Variants in COL6A6 observed in about 807,000 individuals in gnomAD.
The protein encoded by COL6A6 is collagen type VI alpha 6 chain.
A neutral mutation model predicts 208.6 loss-of-function variants in COL6A6; 183 were observed. The observed-to-expected ratio is 0.88, with a 90% confidence interval of 0.78 to 0.99. COL6A6 has a LOEUF of 0.99. Among genes scored for constraint, COL6A6 ranks in the 50% least tolerant of loss-of-function variants. The pLI, the probability that COL6A6 is intolerant of heterozygous loss-of-function variation, is 0.00. For missense variants in COL6A6, 2,816 were observed against 2,815.2 expected (o/e 1.00, Z -0.01); for synonymous variants, 973 against 1,011.8 (o/e 0.96, Z 0.73).
Position 130,563,344 on chromosome 3 carries a change from C to G in COL6A6, c.341C>G (p.Ala114Gly). 6.2e-7 allele frequency: 1 copy of G among 1,613,992 alleles called. No homozygotes were observed. The highest frequency in any genetic ancestry group is 1.1e-5 in the South Asian group (1 of 91,076). The change falls in exon 3 of 37, where the codon GCT becomes GGT. Residue 114 changes from alanine to glycine, a missense_variant. By Grantham distance (60) the Ala-to-Gly change is moderately conservative (BLOSUM62 0). Transcript: ENST00000358511. ...SLQIGKALQE[A>G]HRTYFSAPAN... Reference sequence around the variant, plus strand: ...CAGATAGGAAAGGCTCTTCAGGAGGCTCACAGGACTTATTTCTCTGCACCC... The same window carrying G: ...CAGATAGGAAAGGCTCTTCAGGAGGGTCACAGGACTTATTTCTCTGCACCC...
intron 31 of COL6A6, among the ~76,000 whole-genome samples, chr3:130,643,837 C>T (rs766992141): frequency 1.3e-5 from 2 of 152,150 alleles, no homozygotes; most frequent in African/African-American, 2.4e-5. Context: ...GAACATTGGT[C>T]TCAAAGACAG....
At chr3:130,550,360 G>A (rs758584704) in intron 1 of COL6A6, among the ~76,000 whole-genome samples, 2 of 152,118 alleles carry the variant, frequency 1.3e-5, no homozygotes, top group Non-Finnish European at 2.9e-5. Context: ...AGTGATGAGA[G>A]AGACCATCCT....
intron 34 of COL6A6, 68 bp downstream of exon 34, chr3:130,658,840 G>C: frequency 8.8e-7 from 1 of 1,136,970 alleles, no homozygotes; most frequent in Admixed American, 2.0e-5. Flanking sequence ...ACTGGCAGGG[G>C]CAACTGGAAC....
intron 1 of COL6A6, among the ~76,000 whole-genome samples, chr3:130,529,358 A>C (rs2062032059): frequency 6.6e-6 from 1 of 152,030 alleles, no homozygotes; most frequent in South Asian, 2.1e-4. Flanking sequence ...CATGCATGTT[A>C]AAATCAGGGT....
chr3:130,585,335 C>G (rs2063513875), intron 10 of COL6A6, among the ~76,000 whole-genome samples: 1 of 152,202 alleles, frequency 6.6e-6, no homozygotes, highest in Non-Finnish European at 1.5e-5. Flanking sequence ...ATACCACTTA[C>G]AGGCAGTCAT....
chr3:130,534,207 A>T (rs1314723097), intron 1 of COL6A6, among the ~76,000 whole-genome samples: 2 of 149,378 alleles, frequency 1.3e-5, no homozygotes, highest in African/African-American at 5.2e-5. Context: ...CATTTTGGCC[A>T]GTCTAATAGG....
chr3:130,548,627 A>G (rs937018193), intron 1 of COL6A6, among the ~76,000 whole-genome samples: 6 of 152,260 alleles, frequency 3.9e-5, no homozygotes, highest in African/African-American at 1.2e-4. Flanking sequence ...TCCTTCTGCC[A>G]GAAGCATGAG....
At chr3:130,664,438 TAGA>T (rs1482129954) in intron 35 of COL6A6, among the ~76,000 whole-genome samples, 1 of 152,178 alleles carries the variant, frequency 6.6e-6, no homozygotes, top group African/African-American at 2.4e-5. Flanking sequence ...TTCAAAGAAA[TAGA>T]TAATACATTT....
Position 130,571,221 on chromosome 3 carries a change from C to G in COL6A6, c.2805C>G (p.Ala935=). 6.2e-7 allele frequency: 1 copy of G among 1,613,926 alleles called. No homozygotes were observed. Among genetic ancestry groups the G allele is most frequent in the Non-Finnish European group, 8.5e-7 (1 of 1,179,848 alleles). The change falls in exon 7 of 37, where the codon GCC becomes GCG. Residue 935 remains alanine (A), a synonymous_variant. Coordinates refer to ENST00000358511, the MANE Select transcript of COL6A6 (RefSeq NM_001102608.3). ...DADKLNATAK[A]LRDKGILVLA... ...ATAAACTCAATGCCACGGCAAAGGC[C>G]TTGCGGGACAAAGGCATTCTTGTCC...
At chr3:130,565,642 G>GT in intron 4 of COL6A6, 28 bp downstream of exon 4, 2 of 1,570,994 alleles carry the variant, frequency 1.3e-6, no homozygotes, top group East Asian at 4.5e-5. Context: ...AAGAAGGGTT[G>GT]TTTGGATTCT....
intron 6 of COL6A6, 113 bp from the exon 7 acceptor site, chr3:130,570,705 C>A: frequency 1.3e-6 from 1 of 754,152 alleles, no homozygotes; most frequent in Non-Finnish European, 2.2e-6. Flanking sequence ...CATTCTAATG[C>A]ACAGCATGAT....
intron 13 of COL6A6, among the ~76,000 whole-genome samples, chr3:130,591,474 C>T (rs893942593): frequency 2.2e-4 from 34 of 152,174 alleles, no homozygotes; most frequent in Non-Finnish European, 2.9e-5. Flanking sequence ...CCCATCAATC[C>T]ATCCAAACAT....
intron 31 of COL6A6, among the ~76,000 whole-genome samples, chr3:130,644,580 GATAC>G (rs1168897315): frequency 7.2e-5 from 11 of 152,166 alleles, no homozygotes; most frequent in Middle Eastern, 3.4e-3. Flanking sequence ...CAAAGATATA[GATAC>G]ATTTGTGTGT....
chr3:130,574,104 C>T lies in COL6A6; in HGVS notation c.3126C>T (p.Ala1042=), dbSNP rs370614847. ...VSLNRVRIGA[A]QFSDTYHPEF... ...TCAACAGAGTGCGAATAGGAGCGGC[C>T]CAGTTTAGCGATACCTATCACCCGG... The change falls in exon 8 of 37, where the codon GCC becomes GCT. Residue 1042 remains alanine, a synonymous_variant. Coordinates refer to ENST00000358511, the MANE Select transcript of COL6A6 (RefSeq NM_001102608.3). The T allele has an allele frequency of 2.5e-6, 4 of 1,613,762 alleles. No homozygotes were observed. The highest frequency in any genetic ancestry group is 2.5e-6 in the Non-Finnish European group (3 of 1,179,882).
chr3:130,613,900 T>A (rs899320780), intron 23 of COL6A6, among the ~76,000 whole-genome samples: 2 of 152,232 alleles, frequency 1.3e-5, no homozygotes, highest in African/African-American at 2.4e-5. Flanking sequence ...GTTTATCAGA[T>A]CAAGGAGCTT....
At chr3:130,563,000 G>A in intron 2 of COL6A6, 68 bp from the exon 3 acceptor site, 3 of 1,125,336 alleles carry the variant, frequency 2.7e-6, no homozygotes, top group Middle Eastern at 2.1e-4. Flanking sequence ...CCGCCATAGA[G>A]TTGGCATTAA....
Position 130,566,964 on chromosome 3 carries a change from A to G in COL6A6, c.1545A>G (p.Thr515=), listed in dbSNP as rs1439892197. 6.2e-7 allele frequency: 1 copy of G among 1,613,934 alleles called. No homozygotes were observed. The highest frequency in any genetic ancestry group is 1.3e-5 in the African/African-American group (1 of 74,942). The change falls in exon 5 of 37, where the codon ACA becomes ACG. Residue 515 remains threonine, a synonymous_variant. Transcript: ENST00000358511. The part of the protein sequence containing the change: ...NIRQMGGNTN[T]GAALNFTLSL... Reference sequence around the variant, plus strand: ...GGCAGATGGGTGGGAATACAAACACAGGCGCAGCACTGAATTTCACACTGA... The same window carrying G: ...GGCAGATGGGTGGGAATACAAACACGGGCGCAGCACTGAATTTCACACTGA...
chr3:130,669,373 C>G (rs2108487100), intron 36 of COL6A6, among the ~76,000 whole-genome samples: 1 of 151,646 alleles, frequency 6.6e-6, no homozygotes, highest in East Asian at 1.9e-4. Flanking sequence ...CCAGCCTGGG[C>G]AAGAGTGAGA....
At position 130,565,418 on chromosome 3, in the gene COL6A6, C is replaced by G. The variant is rs769744340; in HGVS notation, c.1086C>G (p.Ile362Met). ...AVNLRREGVT[I>M]FTLGIEGASD... is the part of the protein sequence containing the mutation. Reference sequence around the variant, plus strand: ...ACCTCCGACGGGAGGGTGTGACCATCTTCACCCTGGGCATAGAGGGCGCCA... The same window carrying G: ...ACCTCCGACGGGAGGGTGTGACCATGTTCACCCTGGGCATAGAGGGCGCCA... The change falls in exon 4 of 37, where the codon ATC becomes ATG. Residue 362 changes from isoleucine to methionine, a missense_variant. Ile to Met is a conservative substitution (Grantham distance 10). Coordinates refer to ENST00000358511, the MANE Select transcript of COL6A6 (RefSeq NM_001102608.3). 40 of 1,613,836 alleles carry G rather than the reference C, an allele frequency of 2.5e-5. No homozygotes were observed. The highest frequency in any genetic ancestry group is 3.2e-5 in the Non-Finnish European group (38 of 1,179,882).
Sources: gnomAD v4.1 joint callset for allele counts (sites outside exome capture counted in the v4.1 genomes callset) on GRCh38, gnomAD v4.1.1 for gene constraint, MANE v1.5 for transcripts, NCBI Gene and HGNC (gene_info 2026-07-23, HGNC 2026-07-21) for gene names.